The following FTO variants were observed in gnomAD, a reference collection of about 807,000 sequenced individuals.
FTO encodes the protein FTO alpha-ketoglutarate dependent dioxygenase.
In FTO, 47 loss-of-function variants were observed where a neutral mutation model predicts 63.9. The observed-to-expected ratio is 0.74, with a 90% confidence interval of 0.58 to 0.94. The LOEUF (loss-of-function observed/expected upper bound fraction) is 0.94, where lower values mean the gene tolerates loss of function less well. FTO is among the 40% of genes least tolerant of loss of function. The pLI is 0.00. For missense variants in FTO, 562 were observed against 618.1 expected, an observed-to-expected ratio of 0.91 and a Z score of 0.96; for synonymous variants, 207 against 224.4, an observed-to-expected ratio of 0.92 and a Z score of 0.69.
At chr16:53,751,130 C>A (rs906936180) in intron 1 of FTO, among the ~76,000 whole-genome samples, 2 of 152,048 alleles carry the variant, frequency 1.3e-5, no homozygotes, top group African/African-American at 4.8e-5. Context: ...TAACACTGGT[C>A]AGGAGTGGTG....
intron 1 of FTO, among the ~76,000 whole-genome samples, chr16:53,730,924 G>C (rs1433201987): frequency 2.0e-5 from 3 of 152,204 alleles, no homozygotes; most frequent in Non-Finnish European, 4.4e-5. Context: ...AAATAATGCT[G>C]TGTTGAGTCA....
At chr16:54,051,945 C>T (rs1443596799) in intron 8 of FTO, among the ~76,000 whole-genome samples, 1 of 152,156 alleles carries the variant, frequency 6.6e-6, no homozygotes, top group African/African-American at 2.4e-5. Flanking sequence ...TGTTTGATAA[C>T]ATCTCTGAAG....
intron 8 of FTO, among the ~76,000 whole-genome samples, chr16:54,092,691 G>A (rs1049586833): frequency 6.6e-6 from 1 of 152,174 alleles, no homozygotes. Context: ...ATCACTTTAA[G>A]TTAGCAACCG....
chr16:54,111,702 G>A (rs1471063207), intron 8 of FTO, 60 bp from the exon 9 acceptor site: 1 of 1,585,714 alleles, frequency 6.3e-7, no homozygotes, highest in Non-Finnish European at 8.7e-7. Context: ...AGCTTCCTGT[G>A]GGTTGGGGTC....
At chr16:53,724,464 C>T (rs1366516185) in intron 1 of FTO, among the ~76,000 whole-genome samples, 1 of 152,214 alleles carries the variant, frequency 6.6e-6, no homozygotes, top group East Asian at 1.9e-4. Context: ...ATTTGTACCA[C>T]TAAATACTGT....
chr16:53,933,844 G>T, intron 7 of FTO, 141 bp from the exon 8 acceptor site: 1 of 768,086 alleles, frequency 1.3e-6, no homozygotes, highest in Non-Finnish European at 2.1e-6. Flanking sequence ...GCCATTTTTG[G>T]CCATCATTTA....
intron 2 of FTO, among the ~76,000 whole-genome samples, chr16:53,814,169 C>A (rs939378982): frequency 6.6e-6 from 1 of 152,060 alleles, no homozygotes; most frequent in African/African-American, 2.4e-5. Context: ...TTTAATAGGA[C>A]CGTAGAGAAA....
intron 7 of FTO, among the ~76,000 whole-genome samples, chr16:53,911,748 T>G (rs575583319): frequency 1.7e-4 from 26 of 152,344 alleles, no homozygotes; most frequent in African/African-American, 6.3e-4. Context: ...CCTTAAACAT[T>G]TTAATTTGCA....
At chr16:53,987,655 A>C (rs1441923213) in intron 8 of FTO, among the ~76,000 whole-genome samples, 9 of 152,042 alleles carry the variant, frequency 5.9e-5, no homozygotes. Context: ...TTGTGCACAC[A>C]GAAATACACC....
intron 6 of FTO, among the ~76,000 whole-genome samples, chr16:53,881,150 T>A (rs906544152): frequency 6.7e-6 from 1 of 149,982 alleles, no homozygotes; most frequent in Admixed American, 6.7e-5. Flanking sequence ...AATAAATAAA[T>A]AAAAATAAAA....
intron 8 of FTO, among the ~76,000 whole-genome samples, chr16:54,015,853 A>G (rs1473170911): frequency 1.3e-5 from 2 of 152,212 alleles, no homozygotes; most frequent in African/African-American, 4.8e-5. Context: ...CACAGGAAAC[A>G]GGATTCGAAC....
At chr16:53,869,205 A>G (rs753532148) in intron 4 of FTO, among the ~76,000 whole-genome samples, 18 of 151,376 alleles carry the variant, frequency 1.2e-4, no homozygotes, top group South Asian at 6.3e-4. Flanking sequence ...TTTCCTCTCA[A>G]CACCTTAAGT....
At chr16:53,895,614 G>T (rs1176758653) in intron 7 of FTO, among the ~76,000 whole-genome samples, 1 of 152,180 alleles carries the variant, frequency 6.6e-6, no homozygotes, top group Admixed American at 6.5e-5. Flanking sequence ...TTCTACTGAG[G>T]ATACATCCAG....
chr16:53,765,827 A>C (rs1236905682), intron 1 of FTO, among the ~76,000 whole-genome samples: 1 of 152,152 alleles, frequency 6.6e-6, no homozygotes, highest in Non-Finnish European at 1.5e-5. Context: ...ACGAAAGGGC[A>C]AAGGAATGAG....
At chr16:53,779,991 C>T (rs964081791) in intron 1 of FTO, among the ~76,000 whole-genome samples, 1 of 152,200 alleles carries the variant, frequency 6.6e-6, no homozygotes, top group African/African-American at 2.4e-5. Context: ...CAAGTTTTAA[C>T]AGTCTTCTCC....
chr16:53,796,029 T>G (rs1326373387), intron 1 of FTO, among the ~76,000 whole-genome samples: 1 of 132,000 alleles, frequency 7.6e-6, no homozygotes, highest in East Asian at 2.0e-4. Flanking sequence ...TAAGGTTTTG[T>G]TTTTTTTCTT....
chr16:54,088,969 A>T (rs2086315079), intron 8 of FTO, among the ~76,000 whole-genome samples: 2 of 152,198 alleles, frequency 1.3e-5, no homozygotes, highest in African/African-American at 4.8e-5. Flanking sequence ...GTCCAATATA[A>T]ATCTCTTACA....
chr16:54,080,500 G>T (rs912884821), intron 8 of FTO, among the ~76,000 whole-genome samples: 7 of 152,180 alleles, frequency 4.6e-5, no homozygotes, highest in African/African-American at 1.2e-4. Context: ...CCCACGTTCA[G>T]TTGTACAGTC....
intron 8 of FTO, among the ~76,000 whole-genome samples, chr16:54,015,084 C>T (rs1313383540): frequency 6.6e-6 from 1 of 151,750 alleles, no homozygotes; most frequent in African/African-American, 2.4e-5. Flanking sequence ...AGGCTGTTCT[C>T]AAACTCCTGG....
Sources: gnomAD v4.1 joint callset for allele counts (sites outside exome capture counted in the v4.1 genomes callset) on GRCh38, gnomAD v4.1.1 for gene constraint, MANE v1.5 for transcripts, NCBI Gene and HGNC (gene_info 2026-07-23, HGNC 2026-07-21) for gene names.